Variants in AATF observed in about 807,000 individuals in gnomAD.
The protein encoded by AATF is protein AATF.
Under a neutral mutation model 63.7 loss-of-function variants are expected in AATF, and 48 were observed. The observed-to-expected ratio is 0.75, with a 90% CI of 0.60 to 0.96. AATF has a LOEUF of 0.96. AATF is among the 40% of genes least tolerant of loss of function. The pLI, the probability that AATF is intolerant of heterozygous loss-of-function variation, is 0.00. For missense variants in AATF, 639 were observed against 685.7 expected, an observed-to-expected ratio of 0.93 and a Z score of 0.76; for synonymous variants, 258 against 247.7, an observed-to-expected ratio of 1.04 and a Z score of -0.39.
intron 5 of AATF, 148 bp downstream of exon 5, chr17:36,986,879 A>T (rs1178436060): frequency 1.5e-6 from 1 of 671,546 alleles, no homozygotes; most frequent in Non-Finnish European, 2.5e-6. Context: ...AGGATGGCAC[A>T]TAAGTTGGTG....
intron 11 of AATF, among the ~76,000 whole-genome samples, chr17:37,035,326 C>G (rs2071583229): frequency 6.6e-6 from 1 of 151,260 alleles, no homozygotes; most frequent in African/African-American, 2.4e-5. Context: ...TCAAGCGATT[C>G]TCCTGCCTCA....
chr17:36,989,818 A>C (rs12943623), intron 7 of AATF, among the ~76,000 whole-genome samples: 2,230 of 152,296 alleles, frequency 0.015, 52 homozygotes, highest in African/African-American at 0.051. Context: ...TGTTTAAAGG[A>C]AACATTTAAA....
chr17:36,968,813 T>G (rs745639965), intron 4 of AATF, among the ~76,000 whole-genome samples: 2 of 151,984 alleles, frequency 1.3e-5, no homozygotes, highest in African/African-American at 2.4e-5. Context: ...AGAGATGAGG[T>G]CTTGCTGTGT....
At chr17:37,017,166 C>T (rs943597300) in intron 8 of AATF, among the ~76,000 whole-genome samples, 6 of 152,240 alleles carry the variant, frequency 3.9e-5, no homozygotes, top group East Asian at 1.9e-4. Flanking sequence ...ACTTGCACCC[C>T]GGTGACCCTG....
intron 4 of AATF, 130 bp from the exon 5 acceptor site, chr17:36,986,487 C>A (rs3760437): frequency 3.0e-6 from 2 of 677,242 alleles, no homozygotes; most frequent in South Asian, 1.8e-5. Flanking sequence ...TATTTAGTTC[C>A]TGTGTGTATC....
In AATF at chr17:36,988,582, C is replaced by G. The variant is rs1224541034; in HGVS notation, c.1011C>G (p.Val337=). The G allele has an allele frequency of 6.2e-7, 1 of 1,614,144 alleles. No individual in the cohort carries two copies. Among genetic ancestry groups the G allele is most frequent in the Admixed American group, 1.7e-5 (1 of 60,016 alleles). The change falls in exon 6 of 12, where the codon GTC becomes GTG. Residue 337 remains valine, a synonymous_variant. Transcript: ENST00000619387. ...AGAAGAAGCAGCAACGAAGAAGGGT[C>G]CCTGCAAAGAGGAAGCTGGAGATGG... is the stretch of plus-strand genomic sequence containing the variant. ...VEEKKQQRRR[V]PAKRKLEMED...
chr17:36,967,234 TG>T (rs1180379886), intron 4 of AATF, among the ~76,000 whole-genome samples: 1 of 152,160 alleles, frequency 6.6e-6, no homozygotes, highest in East Asian at 1.9e-4. Flanking sequence ...TTTGTCCCTT[TG>T]TGGTTATATT....
At chr17:37,045,274 G>A (rs553822091) in intron 11 of AATF, among the ~76,000 whole-genome samples, 1 of 152,228 alleles carries the variant, frequency 6.6e-6, no homozygotes, top group Non-Finnish European at 1.5e-5. Flanking sequence ...TGACCCCCTG[G>A]GCACCTCCAC....
chr17:37,034,933 G>A (rs1028119209), intron 11 of AATF: 1 of 151,918 alleles, frequency 6.6e-6, no homozygotes, highest in Admixed American at 6.6e-5. Flanking sequence ...AGACCATCCT[G>A]GCTAACACGG....
chr17:37,040,152 T>C (rs2071625474), intron 11 of AATF, among the ~76,000 whole-genome samples: 1 of 151,990 alleles, frequency 6.6e-6, no homozygotes, highest in Non-Finnish European at 1.5e-5. Flanking sequence ...ATTGTATTAA[T>C]CACAGCTAAG....
intron 11 of AATF, chr17:37,052,309 C>G (rs954614857): frequency 6.6e-6 from 1 of 152,210 alleles, no homozygotes; most frequent in Non-Finnish European, 1.5e-5. Context: ...TTTAGCTTCT[C>G]CACATGGCTA....
chr17:36,985,062 C>T (rs1013080358), intron 4 of AATF, among the ~76,000 whole-genome samples: 13 of 151,978 alleles, frequency 8.6e-5, no homozygotes, highest in South Asian at 4.2e-4. Context: ...CCACCGTGCG[C>T]GGCTAATTTT....
intron 2 of AATF, among the ~76,000 whole-genome samples, chr17:36,951,135 G>T (rs1328782885): frequency 1.3e-5 from 2 of 152,198 alleles, no homozygotes; most frequent in African/African-American, 2.4e-5. Context: ...GGAAGAAGGG[G>T]CTAGATATGG....
intron 4 of AATF, among the ~76,000 whole-genome samples, chr17:36,955,099 C>T (rs1035652113): frequency 6.6e-6 from 1 of 152,146 alleles, no homozygotes; most frequent in Non-Finnish European, 1.5e-5. Context: ...GTCTTACTTG[C>T]ATGCTGAGAC....
intron 5 of AATF, among the ~76,000 whole-genome samples, chr17:36,988,142 C>A (rs1597714348): frequency 6.6e-6 from 1 of 152,098 alleles, no homozygotes; most frequent in East Asian, 1.9e-4. Context: ...AGTGAAACAC[C>A]ATCTTTACTA....
At chr17:36,994,015 ATG>A (rs2071235555) in intron 8 of AATF, among the ~76,000 whole-genome samples, 1 of 152,180 alleles carries the variant, frequency 6.6e-6, no homozygotes, top group African/African-American at 2.4e-5. Context: ...ATGTATGTAT[ATG>A]TGTGTGTACA....
At chr17:36,971,238 C>G (rs1378749789) in intron 4 of AATF, among the ~76,000 whole-genome samples, 4 of 151,752 alleles carry the variant, frequency 2.6e-5, no homozygotes, top group Non-Finnish European at 5.9e-5. Context: ...TAAAAAATAC[C>G]CATTCAAAAA....
intron 4 of AATF, among the ~76,000 whole-genome samples, chr17:36,976,695 G>C (rs919538450): frequency 1.3e-5 from 2 of 152,154 alleles, no homozygotes; most frequent in Non-Finnish European, 2.9e-5. Context: ...AGGTGAAGCT[G>C]CTTTTAAAGC....
At chr17:37,035,145 A>G (rs2071581525) in intron 11 of AATF, among the ~76,000 whole-genome samples, 1 of 152,026 alleles carries the variant, frequency 6.6e-6, no homozygotes, top group Admixed American at 6.6e-5. Context: ...TCAAAAAAGA[A>G]AAATTTCAAG....
Sources: allele counts gnomAD v4.1 joint callset (sites outside exome capture counted in the v4.1 genomes callset), GRCh38; gene constraint gnomAD v4.1.1; transcripts MANE v1.5; gene names NCBI Gene and HGNC (gene_info 2026-07-23, HGNC 2026-07-21).